Variants in LRP12 observed in about 807,000 individuals in gnomAD.
The protein encoded by LRP12 is LDL receptor related protein 12.
In LRP12, 14 loss-of-function variants were observed where a neutral mutation model predicts 66.0. The ratio of observed to expected loss-of-function variants is 0.21; its 90% confidence interval spans 0.14 to 0.33. The LOEUF (loss-of-function observed/expected upper bound fraction) is 0.33. LRP12 is among the 10% of genes least tolerant of loss of function. The pLI is 1.00. For synonymous variants in LRP12, 357 were observed against 359.1 expected (o/e 0.99, Z 0.07); for missense variants, 889 against 1,053.4 (o/e 0.84, Z 2.16).
intron 1 of LRP12, among the ~76,000 whole-genome samples, chr8:104,549,231 T>C (rs1811688907): frequency 6.6e-6 from 1 of 152,088 alleles, no homozygotes; most frequent in Non-Finnish European, 1.5e-5. Flanking sequence ...GCCAAAGTTT[T>C]TGAAAGAAGA....
chr8:104,583,407 G>T (rs767391004), intron 1 of LRP12, among the ~76,000 whole-genome samples: 1 of 152,044 alleles, frequency 6.6e-6, no homozygotes, highest in Non-Finnish European at 1.5e-5. Flanking sequence ...CATATGTAAA[G>T]CTTTCTTACC....
intron 1 of LRP12, among the ~76,000 whole-genome samples, chr8:104,573,963 T>C (rs192114791): frequency 1.8e-4 from 27 of 152,258 alleles, no homozygotes; most frequent in Non-Finnish European, 2.8e-4. Context: ...ATTAGCAAGG[T>C]GGTATGCCCT....
chr8:104,547,338 A>G (rs991679231), intron 1 of LRP12, among the ~76,000 whole-genome samples: 13 of 134,590 alleles, frequency 9.7e-5, no homozygotes, highest in African/African-American at 3.6e-4. Flanking sequence ...TGTATATAAT[A>G]TACAATTCTG....
At position 104,589,235 on chromosome 8, in the gene LRP12, G is replaced by C. The variant is rs987781466; in HGVS notation, c.-338C>G. Among the ~76,000 whole-genome samples the C allele has an allele frequency of 2.6e-5, 4 of 151,836 alleles. No homozygotes were observed. Among genetic ancestry groups the C allele is most frequent in the African/African-American group, 9.7e-5 (4 of 41,398 alleles). ...CTCCGGCCTCGCGCCGCTCGGGCTA[G>C]CCGGCGCCGCCACTCGCCAGACTGA... On this transcript the variant is annotated 5_prime_UTR_variant, in exon 1 of 7. Coordinates refer to ENST00000276654, the MANE Select transcript of LRP12 (RefSeq NM_013437.5).
intron 2 of LRP12, among the ~76,000 whole-genome samples, chr8:104,512,442 T>C (rs1301267669): frequency 6.6e-6 from 1 of 152,194 alleles, no homozygotes; most frequent in Non-Finnish European, 1.5e-5. Flanking sequence ...TATGGAAAAT[T>C]GTTCATTTTT....
chr8:104,491,820 A>G (rs1441275306), intron 6 of LRP12, among the ~76,000 whole-genome samples: 1 of 152,194 alleles, frequency 6.6e-6, no homozygotes, highest in East Asian at 1.9e-4. Flanking sequence ...TGTAAATTAT[A>G]ACAGTTGTTT....
rs199542852 is a variant in LRP12, at chr8:104,548,636, A to G, written c.80-16673T>C. On this transcript the variant is annotated intron_variant, in intron 1 of 6. Transcript: ENST00000276654. ...TAAATTAATTATATAATTATTATATAATTAAATTAATTATATAATTATTAT... is the reference window on the plus strand; with the variant it reads ...TAAATTAATTATATAATTATTATATGATTAAATTAATTATATAATTATTAT... Among the ~76,000 whole-genome samples, 10 of 143,790 alleles carry G rather than the reference A, an allele frequency of 7.0e-5. No homozygotes were observed. The South Asian group carries it at 1.5e-3, about 21-fold the overall frequency. 94.3% of individuals were successfully genotyped at this position (143,790 alleles called of 152,430 possible).
intron 1 of LRP12, among the ~76,000 whole-genome samples, chr8:104,579,271 T>C (rs1208923240): frequency 6.6e-6 from 1 of 151,990 alleles, no homozygotes; most frequent in Non-Finnish European, 1.5e-5. Flanking sequence ...TCACTAACAT[T>C]CCTATACACC....
Position 104,588,992 on chromosome 8 carries a change from CG to C in LRP12, c.-96del. Reference sequence around the variant, plus strand: ...CCGACGCCGCCGCCGCCGCCGCCGCCGCCGCCGAGCCACCGGCTGCTCCCTG... The same window carrying C: ...CCGACGCCGCCGCCGCCGCCGCCGCCCCGCCGAGCCACCGGCTGCTCCCTG... On this transcript the variant is annotated 5_prime_UTR_variant, in exon 1 of 7. Transcript: ENST00000276654. The C allele has an allele frequency of 1.1e-6, 1 of 873,156 alleles. No homozygotes were observed. Among genetic ancestry groups the C allele is most frequent in the Admixed American group, 2.9e-5 (1 of 34,106 alleles). The allele number at this position is 873,156 out of a possible 1,614,324, so 54.1% of individuals were successfully genotyped here.
rs1485522451 is a variant in LRP12 at position 104,494,602 on chromosome 8, A to T, written c.1713+475T>A. ...TGAAAGAATTCAGAAACATATAATGAATTACTATATAAACAAAATGCTATA... is the reference window on the plus strand; with the variant it reads ...TGAAAGAATTCAGAAACATATAATGTATTACTATATAAACAAAATGCTATA... On this transcript the variant is annotated intron_variant, in intron 6 of 6. Transcript: ENST00000276654. Among the ~76,000 whole-genome samples the T allele has an allele frequency of 3.3e-5, 5 of 152,198 alleles. No homozygotes were observed. In the East Asian group the frequency reaches 9.6e-4, roughly 29 times the overall value.
At chr8:104,546,059 T>C (rs909136820) in intron 1 of LRP12, among the ~76,000 whole-genome samples, 7 of 152,148 alleles carry the variant, frequency 4.6e-5, no homozygotes, top group African/African-American at 1.2e-4. Context: ...TAAAGGTAGT[T>C]TTTTCTTTCT....
At chr8:104,580,773 C>CA (rs150701302) in intron 1 of LRP12, among the ~76,000 whole-genome samples, 1,863 of 152,056 alleles carry the variant, frequency 0.012, 36 homozygotes, top group African/African-American at 0.042. Flanking sequence ...ATTAAAAGGT[C>CA]AAAAAAATAA....
intron 1 of LRP12, among the ~76,000 whole-genome samples, chr8:104,549,677 C>T (rs530377228): frequency 2.6e-5 from 4 of 152,320 alleles, no homozygotes; most frequent in Non-Finnish European, 5.9e-5. Context: ...GTTGGGATTA[C>T]AGGCGTGAGC....
At chr8:104,586,301 A>C (rs1461105303) in intron 1 of LRP12, among the ~76,000 whole-genome samples, 1 of 152,202 alleles carries the variant, frequency 6.6e-6, no homozygotes, top group African/African-American at 2.4e-5. Flanking sequence ...TAAACAACAA[A>C]AAATTTTTTT....
chr8:104,506,474 T>C (rs910599785), intron 3 of LRP12: 2 of 152,188 alleles, frequency 1.3e-5, no homozygotes, highest in African/African-American at 4.8e-5. Context: ...TCCTCTCTTC[T>C]TCTATGTTCC....
intron 5 of LRP12, among the ~76,000 whole-genome samples, chr8:104,496,459 C>G (rs1408123705): frequency 1.3e-5 from 2 of 152,136 alleles, no homozygotes; most frequent in Non-Finnish European, 2.9e-5. Flanking sequence ...TGCCTCTCTC[C>G]CTCATTAGAT....
chr8:104,554,493 T>C (rs142874815), intron 1 of LRP12, among the ~76,000 whole-genome samples: 2 of 150,978 alleles, frequency 1.3e-5, no homozygotes, highest in East Asian at 3.9e-4. Context: ...CATTGGAAAA[T>C]TGAAACAACA....
chr8:104,535,727 T>C (rs2140866038), intron 1 of LRP12, among the ~76,000 whole-genome samples: 1 of 152,098 alleles, frequency 6.6e-6, no homozygotes, highest in East Asian at 1.9e-4. Flanking sequence ...GGATTGAACA[T>C]TCAAATACAC....
In LRP12 at chr8:104,548,337, A is replaced by T. The variant is rs1311114327; in HGVS notation, c.80-16374T>A. ...TATAAATATATAATATATATTATAT[A>T]AATATATAAATATATAATATATATT... On this transcript the variant is annotated intron_variant, in intron 1 of 6. Coordinates refer to ENST00000276654, the MANE Select transcript of LRP12 (RefSeq NM_013437.5). Among the ~76,000 whole-genome samples, 10 of 8,344 alleles carry T rather than the reference A, an allele frequency of 1.2e-3. No individual in the cohort carries two copies. In the African/African-American group the frequency reaches 0.014, roughly 12 times the overall value. The allele number at this position is 8,344 out of a possible 152,430, so 5.5% of individuals were successfully genotyped here.
Sources: gnomAD v4.1 joint callset for allele counts (sites outside exome capture counted in the v4.1 genomes callset) on GRCh38, gnomAD v4.1.1 for gene constraint, MANE v1.5 for transcripts, NCBI Gene and HGNC (gene_info 2026-07-23, HGNC 2026-07-21) for gene names.